Variants in ZNF567 observed in about 807,000 individuals in gnomAD.
ZNF567 encodes the protein zinc finger protein 567.
Under a neutral mutation model 53.9 loss-of-function variants are expected in ZNF567, and 36 were observed. The observed-to-expected ratio is 0.67, with a 90% CI of 0.51 to 0.88. ZNF567 has a LOEUF of 0.88. ZNF567 is among the 40% of genes least tolerant of loss of function. The pLI, the probability that ZNF567 is intolerant of heterozygous loss-of-function variation, is 0.00. For synonymous variants in ZNF567, 224 were observed against 260.4 expected, an observed-to-expected ratio of 0.86 and a Z score of 1.35; for missense variants, 619 against 764.7, an observed-to-expected ratio of 0.81 and a Z score of 2.25.
upstream of ZNF567, among the ~76,000 whole-genome samples, chr19:36,682,988 T>A (rs955130759): frequency 1.3e-5 from 2 of 151,984 alleles, no homozygotes; most frequent in Non-Finnish European, 2.9e-5. Flanking sequence ...TGTGTGTGTC[T>A]GTGTGTGTGT....
At position 36,720,492 on chromosome 19, in the gene ZNF567, A is replaced by G. The variant is rs1405174498; in HGVS notation, c.1768A>G (p.Lys590Glu). ...AACTCATACGGGAGAGAAACCATATAAATGTAGTGAATGTGGAAAGTGCTT... is the reference window on the plus strand; with the variant it reads ...AACTCATACGGGAGAGAAACCATATGAATGTAGTGAATGTGGAAAGTGCTT... ...QRTHTGEKPYKCSECGKCFRQ... is the reference protein window; with the variant it reads ...QRTHTGEKPYECSECGKCFRQ... The change falls in exon 6 of 6, where the codon AAA becomes GAA. Residue 590 changes from lysine to glutamate, a missense_variant. By Grantham distance (56) the Lys-to-Glu change is moderately conservative. Coordinates refer to ENST00000682579, the MANE Select transcript of ZNF567 (RefSeq NM_001322917.1). The G allele has an allele frequency of 6.2e-7, 1 of 1,613,772 alleles. No homozygotes were observed. Among genetic ancestry groups the G allele is most frequent in the Admixed American group, 1.7e-5 (1 of 59,988 alleles).
At chr19:36,723,902 ATCATGC>A (rs1263780856), downstream of ZNF567, among the ~76,000 whole-genome samples, 2 of 152,016 alleles carry the variant, frequency 1.3e-5, no homozygotes, top group African/African-American at 4.8e-5. Context: ...TCTTTCCATA[ATCATGC>A]TCATAACTTT....
At chr19:36,675,679 A>T in the ZNF567 span, among the ~76,000 whole-genome samples, 1 of 151,958 alleles carries the variant, frequency 6.6e-6, no homozygotes, top group African/African-American at 2.4e-5. Context: ...TCTCAAAAAA[A>T]TAATAAAAAA....
At chr19:36,667,608 A>AACC in the ZNF567 span, among the ~76,000 whole-genome samples, 2 of 150,294 alleles carry the variant, frequency 1.3e-5, no homozygotes, top group East Asian at 4.0e-4. Flanking sequence ...AAACAACAAC[A>AACC]ACAACAAAAA....
chr19:36,690,853 C>A (rs1157902257), intron 2 of ZNF567, among the ~76,000 whole-genome samples: 1 of 152,168 alleles, frequency 6.6e-6, no homozygotes, highest in Non-Finnish European at 1.5e-5. Flanking sequence ...GCTAGGCCAC[C>A]TCTGCAATGT....
the ZNF567 span, among the ~76,000 whole-genome samples, chr19:36,682,263 T>C: frequency 3.9e-5 from 5 of 126,824 alleles, no homozygotes; most frequent in Non-Finnish European, 6.4e-5. Context: ...TAGCCTGGAG[T>C]ACAGAATGAG....
Position 36,721,046 on chromosome 19 carries a change from T to C in ZNF567, c.*378T>C, listed in dbSNP as rs527469572. 63 of 153,814 alleles carry C rather than the reference T, an allele frequency of 4.1e-4. No homozygotes were observed. The highest frequency in any genetic ancestry group is 1.2e-3 in the South Asian group (6 of 4,852). 9.5% of individuals were successfully genotyped at this position (153,814 alleles called of 1,614,324 possible). On this transcript the variant is annotated 3_prime_UTR_variant, in exon 6 of 6. Transcript: ENST00000682579. ...CTCTGTAATAAAAAGCAGTTAGTTG[T>C]TACTTACCTAAGAGTTACCACTTCC...
At chr19:36,680,508 T>C in the ZNF567 span, among the ~76,000 whole-genome samples, 9 of 152,272 alleles carry the variant, frequency 5.9e-5, no homozygotes, top group South Asian at 1.9e-3. Flanking sequence ...TGTTGTCAAA[T>C]TTCCCACCAT....
At chr19:36,716,311 TTATAC>T (rs1216318076) in intron 5 of ZNF567, among the ~76,000 whole-genome samples, 2 of 152,186 alleles carry the variant, frequency 1.3e-5, no homozygotes, top group Non-Finnish European at 2.9e-5. Flanking sequence ...TGTTCTCCCT[TTATAC>T]TATATCTTTT....
At chr19:36,689,670 C>A (rs1313141660) in intron 2 of ZNF567, among the ~76,000 whole-genome samples, 173 bp downstream of exon 2, 1 of 152,060 alleles carries the variant, frequency 6.6e-6, no homozygotes, top group Non-Finnish European at 1.5e-5. Flanking sequence ...TTTGATAGGA[C>A]CCAAGACAAC....
chr19:36,714,760 A>G (rs2039960911), intron 5 of ZNF567, among the ~76,000 whole-genome samples: 1 of 152,110 alleles, frequency 6.6e-6, no homozygotes, highest in Non-Finnish European at 1.5e-5. Context: ...GTGAAATAAC[A>G]CTAATTCTTA....
intron 4 of ZNF567, 117 bp downstream of exon 4, chr19:36,712,629 T>C: frequency 6.8e-7 from 1 of 1,470,690 alleles, no homozygotes; most frequent in Non-Finnish European, 9.5e-7. Context: ...GTTAGCAGAA[T>C]GAATGATTGT....
At chr19:36,677,349 C>T in the ZNF567 span, among the ~76,000 whole-genome samples, 2 of 148,854 alleles carry the variant, frequency 1.3e-5, no homozygotes, top group African/African-American at 5.0e-5. Flanking sequence ...ATCCCAGCTA[C>T]TCGGGAGGCT....
intron 2 of ZNF567, among the ~76,000 whole-genome samples, chr19:36,692,464 C>G (rs1220720042): frequency 2.0e-5 from 3 of 152,194 alleles, no homozygotes; most frequent in Non-Finnish European, 4.4e-5. Flanking sequence ...CCTCAAACTC[C>G]TGGGCTTAAG....
intron 2 of ZNF567, among the ~76,000 whole-genome samples, chr19:36,693,844 C>G (rs906117436): frequency 2.6e-5 from 4 of 151,762 alleles, no homozygotes. Context: ...ACTAGATGGC[C>G]AAATAATTTT....
upstream of ZNF567, chr19:36,686,106 A>G (rs1210735532): frequency 2.6e-5 from 4 of 152,218 alleles, no homozygotes; most frequent in Admixed American, 2.0e-4. Context: ...ACCACATTCT[A>G]TTGGTCAAAG....
chr19:36,722,990 G>T (rs1361400210), downstream of ZNF567, among the ~76,000 whole-genome samples: 5 of 151,038 alleles, frequency 3.3e-5, no homozygotes, highest in Non-Finnish European at 5.9e-5. Flanking sequence ...AGAATATAAA[G>T]AATTATTAAT....
downstream of ZNF567, among the ~76,000 whole-genome samples, chr19:36,725,596 C>A (rs2040332643): frequency 6.6e-6 from 1 of 152,182 alleles, no homozygotes; most frequent in Non-Finnish European, 1.5e-5. Flanking sequence ...CACTCAGCTT[C>A]TTGAATCTGT....
chr19:36,694,413 G>A (rs1401256582), intron 2 of ZNF567, among the ~76,000 whole-genome samples: 1 of 152,114 alleles, frequency 6.6e-6, no homozygotes, highest in Non-Finnish European at 1.5e-5. Context: ...AGATAGACAA[G>A]CATAAAAAAA....
Sources: gnomAD v4.1 joint callset for allele counts (sites outside exome capture counted in the v4.1 genomes callset) on GRCh38, gnomAD v4.1.1 for gene constraint, MANE v1.5 for transcripts, NCBI Gene and HGNC (gene_info 2026-07-23, HGNC 2026-07-21) for gene names.